TMEM19: variants seen among roughly 807,000 people sequenced by gnomAD.
TMEM19 encodes the protein transmembrane protein 19.
TMEM19 carries 21 observed loss-of-function variants against 33.6 expected under a neutral mutation model. The ratio of observed to expected loss-of-function variants is 0.62; its 90% confidence interval spans 0.44 to 0.90. The LOEUF is 0.90. TMEM19 is among the 40% of genes least tolerant of loss of function. The probability of loss-of-function intolerance (pLI) is 0.00; values close to 1 mark genes in which losing one functional copy is unlikely to be tolerated. For missense variants in TMEM19, 402 were observed against 401.8 expected, an observed-to-expected ratio of 1.00 and a Z score of 0.00; for synonymous variants, 149 against 147.5, an observed-to-expected ratio of 1.01 and a Z score of -0.07.
Position 71,702,153 on chromosome 12 carries a change from T to C in TMEM19, c.*1158T>C, listed in dbSNP as rs1881989275. On this transcript the variant is annotated 3_prime_UTR_variant, in exon 6 of 6. Transcript: ENST00000266673. ...CACCAGAGTGGATAATGCTTAGAAT[T>C]CTTTATTGGTGGCCCTACTATGGTG... 1 of 152,184 alleles carries C rather than the reference T, an allele frequency of 6.6e-6. No homozygotes were observed. The highest frequency in any genetic ancestry group is 2.4e-5 in the African/African-American group (1 of 41,432). The allele number at this position is 152,184 out of a possible 1,614,324, so 9.4% of individuals were successfully genotyped here.
chr12:71,686,313 G>T lies in TMEM19; in HGVS notation c.-368G>T. 8.1e-6 allele frequency: 2 copies of T among 247,298 alleles called. No homozygotes were observed. Among genetic ancestry groups the T allele is most frequent in the Non-Finnish European group, 1.6e-5 (2 of 126,800 alleles). 15.3% of individuals were successfully genotyped at this position (247,298 alleles called of 1,614,324 possible). On this transcript the variant is annotated 5_prime_UTR_variant, in exon 1 of 6. Coordinates refer to ENST00000266673, the MANE Select transcript of TMEM19 (RefSeq NM_018279.4). ...CCCGGCCCGCGGGTGAGAAGGTTGC[G>T]ACGGGAGGTGGGTGGAACTCGCCAG... is the stretch of plus-strand genomic sequence containing the variant.
In TMEM19 at chr12:71,691,928, C is replaced by T. The variant is rs114299554; in HGVS notation, c.244+2224C>T. On this transcript the variant is annotated intron_variant, in intron 2 of 5. Coordinates refer to ENST00000266673, the MANE Select transcript of TMEM19 (RefSeq NM_018279.4). ...CTGCTAGAAGGGCTGCCTTGTAGCC[C>T]TTGGACATCTGCTCCTCTCCTATGT... Among the ~76,000 whole-genome samples, 1,011 of 152,186 alleles carry T rather than the reference C, an allele frequency of 6.6e-3. 11 individuals are homozygous for T. Among genetic ancestry groups the T allele is most frequent in the African/African-American group, 0.024 (981 of 41,502 alleles).
rs772038769 is a variant in TMEM19, at chr12:71,696,486, T to A, written c.295T>A (p.Ser99Thr). 3 of 1,612,996 alleles carry A rather than the reference T, an allele frequency of 1.9e-6. No homozygotes were observed. The highest frequency in any genetic ancestry group is 2.5e-6 in the Non-Finnish European group (3 of 1,179,340). The change falls in exon 3 of 6, where the codon TCT (serine) becomes ACT (threonine). Residue 99 changes from serine to threonine, a missense_variant. Transcript: ENST00000266673. ...CATTGCAAATTTCAGCTTTTTTACCTCTTTGCTGATGTTTTTCTTGTCTTC... is the reference window on the plus strand; with the variant it reads ...CATTGCAAATTTCAGCTTTTTTACCACTTTGCTGATGTTTTTCTTGTCTTC... Reference protein sequence around the residue: ...LTIANFSFFTSLLMFFLSSSK... With the variant: ...LTIANFSFFTTLLMFFLSSSK...
In TMEM19 at chr12:71,704,064, G is replaced by A; in HGVS notation, c.*3069G>A. On this transcript the variant is annotated 3_prime_UTR_variant, in exon 6 of 6. Transcript: ENST00000266673. ...ACTGCCTACCTAGCAGCATAAAGGT[G>A]TACTGTTTCTTATCATACTGTTCCA... 2.3e-6 allele frequency: 1 copy of A among 438,196 alleles called. No homozygotes were observed. The highest frequency in any genetic ancestry group is 4.6e-6 in the Non-Finnish European group (1 of 215,888). The allele number at this position is 438,196 out of a possible 1,614,324, so 27.1% of individuals were successfully genotyped here.
chr12:71,697,449 T>C lies in TMEM19; in HGVS notation c.552T>C (p.Ala184=). The part of the protein sequence containing the change: ...LSLLAALACS[A]GDTWASEVGP... The stretch of plus-strand genomic sequence containing the variant: ...TCTTGGCTGCACTGGCCTGCTCTGC[T>C]GGAGACACATGGGCTTCAGAAGTTG... Residue 184 remains alanine (A), a synonymous_variant, in exon 4 of 6, where the codon GCT becomes GCC. Coordinates refer to ENST00000266673, the MANE Select transcript of TMEM19 (RefSeq NM_018279.4). The C allele has an allele frequency of 6.2e-7, 1 of 1,609,596 alleles. No individual in the cohort carries two copies. The highest frequency in any genetic ancestry group is 1.1e-5 in the South Asian group (1 of 90,098).
intron 2 of TMEM19, 57 bp downstream of exon 2, chr12:71,689,761 A>C: frequency 8.3e-7 from 1 of 1,202,198 alleles, no homozygotes. Flanking sequence ...TATATAATTT[A>C]AATTTATGTT....
rs1306875271 is a variant in TMEM19, at chr12:71,703,311, A to G, written c.*2316A>G. The G allele has an allele frequency of 6.7e-6, 1 of 148,546 alleles. No homozygotes were observed. The highest frequency in any genetic ancestry group is 6.9e-5 in the Admixed American group (1 of 14,574). 9.2% of individuals were successfully genotyped at this position (148,546 alleles called of 1,614,324 possible). The stretch of plus-strand genomic sequence containing the variant: ...GAAAAGAATGGGACTTTTCGGTTTT[A>G]GGGAGATAACTATTAGCAACCACAC... On this transcript the variant is annotated 3_prime_UTR_variant, in exon 6 of 6. Coordinates refer to ENST00000266673, the MANE Select transcript of TMEM19 (RefSeq NM_018279.4).
At chr12:71,696,415 G>A (rs765624832) in intron 2 of TMEM19, 21 bp from the exon 3 acceptor site, 1 of 1,572,216 alleles carries the variant, frequency 6.4e-7, no homozygotes. Context: ...ATAATTCTGT[G>A]TTTATATATG....
At chr12:71,697,585 T>G in intron 4 of TMEM19, 51 bp downstream of exon 4, 1 of 1,508,728 alleles carries the variant, frequency 6.6e-7, no homozygotes. Context: ...TGGTGAGTCT[T>G]GATTTGAGAT....
intron 5 of TMEM19, 59 bp from the exon 6 acceptor site, chr12:71,700,773 A>G: frequency 6.9e-7 from 1 of 1,452,968 alleles, no homozygotes; most frequent in Admixed American, 2.5e-5. Flanking sequence ...AAAGAAAGAA[A>G]AGAAAAAAAA....
At chr12:71,693,991 TAGC>T (rs1251716671) in intron 2 of TMEM19, among the ~76,000 whole-genome samples, 2 of 152,348 alleles carry the variant, frequency 1.3e-5, no homozygotes, top group East Asian at 3.9e-4. Flanking sequence ...TTGTTTTTAT[TAGC>T]AGCGTGACAG....
intron 3 of TMEM19, 125 bp from the exon 4 acceptor site, chr12:71,697,155 T>A: frequency 7.5e-7 from 1 of 1,334,880 alleles, no homozygotes; most frequent in Non-Finnish European, 1.0e-6. Flanking sequence ...ATAACACTTT[T>A]ACTGTTTTTA....
chr12:71,693,756 T>C (rs1435514129), intron 2 of TMEM19, among the ~76,000 whole-genome samples: 1 of 152,162 alleles, frequency 6.6e-6, no homozygotes, highest in East Asian at 1.9e-4. Context: ...AATTGAATCA[T>C]GGGACAGGTC....
intron 4 of TMEM19, among the ~76,000 whole-genome samples, chr12:71,698,655 G>C (rs149141024): frequency 4.5e-5 from 6 of 133,600 alleles, no homozygotes; most frequent in African/African-American, 1.4e-4. Flanking sequence ...GAGAGAGAGA[G>C]AGAGAAGCAG....
At position 71,689,493 on chromosome 12, in the gene TMEM19, G is replaced by C. The variant is rs576644250; in HGVS notation, c.131-98G>C. 4.7e-6 allele frequency: 4 copies of C among 847,768 alleles called. No homozygotes were observed. In the South Asian group the frequency reaches 5.5e-5, roughly 12 times the overall value. The allele number at this position is 847,768 out of a possible 1,614,324, so 52.5% of individuals were successfully genotyped here. On this transcript the variant is annotated intron_variant, in intron 1 of 5. Coordinates refer to ENST00000266673, the MANE Select transcript of TMEM19 (RefSeq NM_018279.4). ...ACTTCATCTTGGTGTTTGTACTTAT[G>C]ACAGTATTTTAGTCTAAAAGCAGTA...
intron 2 of TMEM19, 70 bp from the exon 3 acceptor site, chr12:71,696,366 A>G: frequency 3.1e-6 from 4 of 1,289,398 alleles, no homozygotes; most frequent in Non-Finnish European, 4.2e-6. Context: ...AATGGAAAAA[A>G]TCCATTCTTT....
At chr12:71,694,245 G>A (rs1023585135) in intron 2 of TMEM19, among the ~76,000 whole-genome samples, 2 of 152,222 alleles carry the variant, frequency 1.3e-5, no homozygotes, top group African/African-American at 2.4e-5. Flanking sequence ...AGCATTGCCA[G>A]AATAAGGAGA....
intron 4 of TMEM19, among the ~76,000 whole-genome samples, chr12:71,697,761 A>C (rs1381568049): frequency 6.6e-6 from 1 of 152,238 alleles, no homozygotes; most frequent in Non-Finnish European, 1.5e-5. Flanking sequence ...TAAGCAATAC[A>C]GGAACATAGA....
Position 71,704,026 on chromosome 12 carries a change from A to T in TMEM19, c.*3031A>T, listed in dbSNP as rs948782068. The T allele has an allele frequency of 2.2e-6, 1 of 453,304 alleles. No homozygotes were observed. Among genetic ancestry groups the T allele is most frequent in the Non-Finnish European group, 4.4e-6 (1 of 225,164 alleles). The allele number at this position is 453,304 out of a possible 1,614,324, so 28.1% of individuals were successfully genotyped here. A position where few individuals can be genotyped will look rare whatever the true frequency, so the allele number is the denominator to read the frequency against. Reference sequence around the variant, plus strand: ...CTTTTCATGGAAAGAGCTCTATGTAACAGCATAATAAAACTGCCTACCTAG... The same window carrying T: ...CTTTTCATGGAAAGAGCTCTATGTATCAGCATAATAAAACTGCCTACCTAG... On this transcript the variant is annotated 3_prime_UTR_variant, in exon 6 of 6. Transcript: ENST00000266673.
Sources: allele counts gnomAD v4.1 joint callset (sites outside exome capture counted in the v4.1 genomes callset), GRCh38; gene constraint gnomAD v4.1.1; transcripts MANE v1.5; gene names NCBI Gene and HGNC (gene_info 2026-07-23, HGNC 2026-07-21).